Variants in CACNA1G observed in about 807,000 individuals in gnomAD.
The protein encoded by CACNA1G is calcium voltage-gated channel subunit alpha1 G.
A neutral mutation model predicts 219.4 loss-of-function variants in CACNA1G; 67 were observed. The ratio of observed to expected loss-of-function variants is 0.31; its 90% CI spans 0.25 to 0.37. The LOEUF is 0.37. Among genes scored for constraint, CACNA1G ranks in the 10% least tolerant of loss-of-function variants. The probability of loss-of-function intolerance (pLI) is 1.00; values close to 1 mark genes in which losing one functional copy is unlikely to be tolerated. For missense variants in CACNA1G, 2,380 were observed against 3,231.4 expected, an observed-to-expected ratio of 0.74 and a Z score of 6.39; for synonymous variants, 1,296 against 1,345.3, an observed-to-expected ratio of 0.96 and a Z score of 0.80.
At chr17:50,616,596 CAG>C (rs908540999) in intron 28 of CACNA1G, among the ~76,000 whole-genome samples, 6 of 152,114 alleles carry the variant, frequency 3.9e-5, no homozygotes, top group African/African-American at 1.4e-4. Flanking sequence ...TTTGACAAGA[CAG>C]GGCCTGGGGG....
At chr17:50,586,676 G>A (rs1165417026) in intron 9 of CACNA1G, among the ~76,000 whole-genome samples, 1 of 152,214 alleles carries the variant, frequency 6.6e-6, no homozygotes, top group African/African-American at 2.4e-5. Flanking sequence ...TAACAGAAGA[G>A]GCCACTGGGG....
intron 18 of CACNA1G, 35 bp from the exon 19 acceptor site, chr17:50,601,016 T>G (rs983906232): frequency 6.2e-7 from 1 of 1,606,712 alleles, no homozygotes; most frequent in African/African-American, 1.3e-5. Flanking sequence ...CTGCCCTGCC[T>G]CCCCCTCTCA....
Position 50,621,601 on chromosome 17 carries a change from T to G in CACNA1G, c.5926-59T>G, listed in dbSNP as rs1371073288. Reference sequence around the variant, plus strand: ...CTGAGAGAGAGCGCGTGTGTGCGTGTGCACGCGCGTGTGCGCTGTCCTGGT... The same window carrying G: ...CTGAGAGAGAGCGCGTGTGTGCGTGGGCACGCGCGTGTGCGCTGTCCTGGT... On this transcript the variant is annotated intron_variant, in intron 34 of 37. Coordinates refer to ENST00000359106, the MANE Select transcript of CACNA1G (RefSeq NM_018896.5). This position sits in a 1 kb window ranked among gnomAD's most constrained non-coding sequence, Gnocchi z 4.6. The G allele has an allele frequency of 1.9e-6, 3 of 1,582,098 alleles. No individual in the cohort carries two copies. The highest frequency in any genetic ancestry group is 2.6e-6 in the Non-Finnish European group (3 of 1,156,420).
At position 50,596,758 on chromosome 17, in the gene CACNA1G, G is replaced by A. The variant is rs1385803760; in HGVS notation, c.3093G>A (p.Leu1031=). 1 of 1,613,220 alleles carries A rather than the reference G, an allele frequency of 6.2e-7. No homozygotes were observed. Among genetic ancestry groups the A allele is most frequent in the Non-Finnish European group, 8.5e-7 (1 of 1,179,802 alleles). Residue 1031 remains leucine, a synonymous_variant, in exon 16 of 38, where the codon CTG becomes CTA. Transcript: ENST00000359106. This position sits in a 1 kb window ranked among gnomAD's most constrained non-coding sequence, Gnocchi z 4.8. ...TGTCCCTGGGAGAGCACCCGGAGCTGCGGAAGAGCCTGCTGCCGCCTCTCA... is the reference window on the plus strand; with the variant it reads ...TGTCCCTGGGAGAGCACCCGGAGCTACGGAAGAGCCTGCTGCCGCCTCTCA... ...ALVSLGEHPE[L]RKSLLPPLII...
chr17:50,602,180 C>T (rs1403271451), intron 19 of CACNA1G, among the ~76,000 whole-genome samples: 3 of 152,254 alleles, frequency 2.0e-5, no homozygotes, highest in Non-Finnish European at 4.4e-5. Context: ...GCTTCTCCAT[C>T]TCCAGCTCTG....
In CACNA1G at chr17:50,575,969, G is replaced by C; in HGVS notation, c.1567G>C (p.Asp523His). Residue 523 changes from aspartate (D) to histidine (H), a missense_variant, in exon 8 of 38, where the codon GAC (aspartate) becomes CAC (histidine). This residue lies in a region of CACNA1G where 434 missense variants were observed against 417.3 expected (regional missense o/e 1.04). Coordinates refer to ENST00000359106, the MANE Select transcript of CACNA1G (RefSeq NM_018896.5). ...CCCCCGGGCCAGCCCGGAGATCCAG[G>C]ACAGGGATGCCAATGGGTCCCGCCG... ...RAPRASPEIQ[D>H]RDANGSRRLM... The C allele has an allele frequency of 6.4e-7, 1 of 1,552,274 alleles. No homozygotes were observed. The highest frequency in any genetic ancestry group is 8.7e-7 in the Non-Finnish European group (1 of 1,148,202).
At position 50,576,316 on chromosome 17, in the gene CACNA1G, A is replaced by G; in HGVS notation, c.1914A>G (p.Thr638=). ...GCTCCATGCACAAGCTGCTGGAGACACAGAGTACAGGTGAGAACTCTGGGT... is the reference window on the plus strand; with the variant it reads ...GCTCCATGCACAAGCTGCTGGAGACGCAGAGTACAGGTGAGAACTCTGGGT... The part of the protein sequence containing the change: ...PYSSMHKLLE[T]QSTGACQSSC... The change falls in exon 8 of 38, where the codon ACA becomes ACG. Residue 638 remains threonine (T), a synonymous_variant. Coordinates refer to ENST00000359106, the MANE Select transcript of CACNA1G (RefSeq NM_018896.5). 6.4e-7 allele frequency: 1 copy of G among 1,570,972 alleles called. No individual in the cohort carries two copies. The highest frequency in any genetic ancestry group is 8.6e-7 in the Non-Finnish European group (1 of 1,158,340).
At position 50,573,022 on chromosome 17, in the gene CACNA1G, T is replaced by A; in HGVS notation, c.1049T>A (p.Val350Asp). The A allele has an allele frequency of 1.3e-6, 2 of 1,577,448 alleles. No individual in the cohort carries two copies. The highest frequency in any genetic ancestry group is 1.7e-6 in the Non-Finnish European group (2 of 1,160,514). ...AGCCTGCCCCTCTGCACCCCCTAGG[T>A]CATCACGCTGGAGGGCTGGGTCGAC... ...IGYAWIAIFQVITLEGWVDIM... is the reference protein window; with the variant it reads ...IGYAWIAIFQDITLEGWVDIM... Residue 350 changes from valine (V) to aspartate (D), a missense_variant and splice_region_variant, in exon 7 of 38, where the codon GTC becomes GAC. By Grantham distance (152) the Val-to-Asp change is radical (BLOSUM62 -3). This residue lies in a region of CACNA1G where 72 missense variants were observed against 175.8 expected (regional missense o/e 0.41). Transcript: ENST00000359106.
chr17:50,601,237 G>A (rs1019933504), intron 19 of CACNA1G, 63 bp downstream of exon 19: 4 of 1,581,200 alleles, frequency 2.5e-6, no homozygotes, highest in South Asian at 1.1e-5. Flanking sequence ...GACCAGTGAG[G>A]GAGGCAAGGA....
intron 9 of CACNA1G, among the ~76,000 whole-genome samples, chr17:50,579,100 TG>T (rs1020835431): frequency 5.3e-5 from 8 of 152,198 alleles, no homozygotes; most frequent in African/African-American, 1.9e-4. Context: ...GCCTCCCGTC[TG>T]GGAGCCGTGC....
At chr17:50,597,296 A>C (rs1451429062) in intron 16 of CACNA1G, among the ~76,000 whole-genome samples, 1 of 152,168 alleles carries the variant, frequency 6.6e-6, no homozygotes, top group Non-Finnish European at 1.5e-5. Flanking sequence ...ACACTGTTCT[A>C]AACACTACTC....
chr17:50,570,583 G>GTGTGTGTGTGTGTGTGTGTGTGTGTGTT (rs2039191175), intron 4 of CACNA1G, among the ~76,000 whole-genome samples: 1 of 151,822 alleles, frequency 6.6e-6, no homozygotes, highest in Non-Finnish European at 1.5e-5. Context: ...GTGTGTGTGT[G>GTGTGTGTGTGTGTGTGTGTGTGTGTGTT]TGTGTGATGT....
At chr17:50,625,380 T>C (rs1223547796) in intron 37 of CACNA1G, among the ~76,000 whole-genome samples, 3 of 152,156 alleles carry the variant, frequency 2.0e-5, no homozygotes, top group Non-Finnish European at 4.4e-5. Context: ...ATTCTGCAAA[T>C]AGTCACTAAG....
chr17:50,582,815 G>A (rs77414928), intron 9 of CACNA1G, among the ~76,000 whole-genome samples: 5,933 of 152,134 alleles, frequency 0.039, 429 homozygotes, highest in African/African-American at 0.13. Flanking sequence ...GGCTGTAGAC[G>A]GGGAGAGGAA....
chr17:50,561,700 C>T lies in CACNA1G; in HGVS notation c.241C>T (p.Pro81Ser). The T allele has an allele frequency of 6.3e-7, 1 of 1,576,644 alleles. No homozygotes were observed. The highest frequency in any genetic ancestry group is 8.6e-7 in the Non-Finnish European group (1 of 1,158,600). ...CTGGTGTCTCCGCACGGTCTGTAAC[C>T]CATATCCTTCGGGGCACGACGGCCA... ...RSWCLRTVCNPWFERISMLVI... is the reference protein window; with the variant it reads ...RSWCLRTVCNSWFERISMLVI... The change falls in exon 1 of 38, where the codon CCC becomes TCC. Residue 81 changes from proline (P) to serine (S), a missense_variant and splice_region_variant. By Grantham distance (74) the Pro-to-Ser change is moderately conservative. Transcript: ENST00000359106.
chr17:50,587,810 G>A (rs1222319662), intron 9 of CACNA1G, among the ~76,000 whole-genome samples: 3 of 152,034 alleles, frequency 2.0e-5, no homozygotes, highest in African/African-American at 7.2e-5. Flanking sequence ...CTTATGGGAC[G>A]GCAGGCTTCT....
intron 23 of CACNA1G, chr17:50,606,326 G>A: frequency 1.5e-6 from 1 of 654,472 alleles, no homozygotes. Context: ...ACGTGGCAGT[G>A]GGGGCAGGCA....
At chr17:50,625,220 G>A (rs1038353064) in intron 37 of CACNA1G, among the ~76,000 whole-genome samples, 3 of 152,184 alleles carry the variant, frequency 2.0e-5, no homozygotes, top group Middle Eastern at 3.2e-3. Flanking sequence ...CCAAAGTGCC[G>A]GGATTACAGG....
intron 27 of CACNA1G, among the ~76,000 whole-genome samples, 178 bp from the exon 28 acceptor site, chr17:50,616,097 C>T (rs1215130349): frequency 6.6e-6 from 1 of 152,214 alleles, no homozygotes. Flanking sequence ...TGAATAAGTG[C>T]CCTACTCCCT....
Sources: allele counts gnomAD v4.1 joint callset (sites outside exome capture counted in the v4.1 genomes callset), GRCh38; gene constraint gnomAD v4.1.1; regional missense constraint gnomAD v4.1.1; non-coding constraint Gnocchi (gnomAD v3.1); transcripts MANE v1.5; gene names NCBI Gene and HGNC (gene_info 2026-07-23, HGNC 2026-07-21).